MYO5A: variants seen among roughly 807,000 people sequenced by gnomAD.
MYO5A encodes unconventional myosin-Va.
In MYO5A, 98 loss-of-function variants were observed where a neutral mutation model predicts 249.7. That is an observed-to-expected ratio of 0.39 (90% CI 0.33 to 0.46). MYO5A has a LOEUF of 0.46. MYO5A is among the 20% of genes least tolerant of loss of function. The probability of loss-of-function intolerance (pLI) is 0.98; values close to 1 mark genes in which losing one functional copy is unlikely to be tolerated. For missense variants in MYO5A, 1,696 were observed against 2,308.8 expected (o/e 0.73, Z 5.44); for synonymous variants, 778 against 810.6 (o/e 0.96, Z 0.68).
chr15:52,436,742 TA>T (rs1205201368), intron 1 of MYO5A, among the ~76,000 whole-genome samples: 1 of 152,214 alleles, frequency 6.6e-6, no homozygotes, highest in Non-Finnish European at 1.5e-5. Context: ...AAGATCAGAA[TA>T]AAAGGCATCT....
intron 1 of MYO5A, among the ~76,000 whole-genome samples, chr15:52,477,012 C>T (rs981386166): frequency 1.3e-5 from 2 of 152,178 alleles, no homozygotes; most frequent in South Asian, 2.1e-4. Flanking sequence ...CCATTTTCCC[C>T]GTCACTTTCA....
rs767407902 is a variant in MYO5A, at chr15:52,397,414, T to A, written c.1106A>T (p.Glu369Val). The A allele has an allele frequency of 3.7e-6, 6 of 1,613,946 alleles. No homozygotes were observed. In the East Asian group the frequency reaches 1.1e-4, roughly 30 times the overall value. Residue 369 changes from glutamate to valine, a missense_variant, in exon 10 of 42, where the codon GAG becomes GTG. Physicochemically the swap from Glu to Val is moderately radical, Grantham distance 121 (BLOSUM62 -2). Transcript: ENST00000399233. The part of the protein sequence containing the change: ...IFCELMGVDY[E>V]EMCHWLCHRK... The stretch of plus-strand genomic sequence containing the variant: ...ATGGCAGAGCCAGTGACACATCTCC[T>A]CATAGTCCACACCCATGAGTTCACA...
At chr15:52,453,844 A>G (rs2076067916) in intron 1 of MYO5A, among the ~76,000 whole-genome samples, 1 of 152,166 alleles carries the variant, frequency 6.6e-6, no homozygotes, top group Admixed American at 6.5e-5. Flanking sequence ...CATGGTAACT[A>G]CAAAGTAAAA....
In MYO5A at chr15:52,470,536, G is replaced by T. The variant is rs530808016; in HGVS notation, c.28-37251C>A. On this transcript the variant is annotated intron_variant, in intron 1 of 41. Transcript: ENST00000399233. ...GTGGTGGCGCATCTCTGTAATCCCAGCTACTCGGGAGGCTGAGGCAGGAGA... is the reference window on the plus strand; with the variant it reads ...GTGGTGGCGCATCTCTGTAATCCCATCTACTCGGGAGGCTGAGGCAGGAGA... Among the ~76,000 whole-genome samples, 3 of 152,266 alleles carry T rather than the reference G, an allele frequency of 2.0e-5. 1 individual carries two copies. In the South Asian group the frequency reaches 6.2e-4, roughly 32 times the overall value.
chr15:52,398,095 AAGCTG>A (rs2042567708), intron 9 of MYO5A, among the ~76,000 whole-genome samples: 1 of 145,826 alleles, frequency 6.9e-6, no homozygotes, highest in Non-Finnish European at 1.5e-5. Context: ...GGAAGGATTG[AAGCTG>A]AATGAGGGAG....
At chr15:52,402,284 G>A (rs1452845879) in intron 9 of MYO5A, among the ~76,000 whole-genome samples, 2 of 152,194 alleles carry the variant, frequency 1.3e-5, no homozygotes, top group African/African-American at 4.8e-5. Flanking sequence ...CTAGTTTTCT[G>A]CCTCTACTTG....
intron 1 of MYO5A, among the ~76,000 whole-genome samples, chr15:52,522,852 A>G (rs2077651301): frequency 6.6e-6 from 1 of 152,082 alleles, no homozygotes; most frequent in Non-Finnish European, 1.5e-5. Flanking sequence ...AAAAAAAAAA[A>G]AAAAAAGCTA....
chr15:52,519,715 T>C (rs117282868), intron 1 of MYO5A, among the ~76,000 whole-genome samples: 76 of 152,014 alleles, frequency 5.0e-4, no homozygotes, highest in Admixed American at 3.2e-3. Context: ...TTAGTAACAT[T>C]TGCTTGCACA....
chr15:52,353,382 C>T (rs2040049962), intron 27 of MYO5A, among the ~76,000 whole-genome samples: 1 of 152,222 alleles, frequency 6.6e-6, no homozygotes, highest in African/African-American at 2.4e-5. Flanking sequence ...CAGCCTCGAA[C>T]AGCAGCTACT....
In MYO5A at chr15:52,446,823, C is replaced by G. The variant is rs574333357; in HGVS notation, c.28-13538G>C. Among the ~76,000 whole-genome samples the G allele has an allele frequency of 2.0e-5, 3 of 152,236 alleles. No individual in the cohort carries two copies. The South Asian group carries it at 6.2e-4, about 32-fold the overall frequency. Reference sequence around the variant, plus strand: ...TGGATCTTTAAGATTTAATGATTGCCCTGCTAGGTTTCAAACTTGTCTGTA... The same window carrying G: ...TGGATCTTTAAGATTTAATGATTGCGCTGCTAGGTTTCAAACTTGTCTGTA... On this transcript the variant is annotated intron_variant, in intron 1 of 41. Coordinates refer to ENST00000399233, the MANE Select transcript of MYO5A (RefSeq NM_001382347.1).
At chr15:52,523,367 G>C (rs2077662877) in intron 1 of MYO5A, among the ~76,000 whole-genome samples, 1 of 152,126 alleles carries the variant, frequency 6.6e-6, no homozygotes, top group South Asian at 2.1e-4. Context: ...TTTATACCCT[G>C]CTTCGTCCCT....
chr15:52,387,480 G>A (rs2042016371), intron 14 of MYO5A, among the ~76,000 whole-genome samples: 1 of 152,094 alleles, frequency 6.6e-6, no homozygotes, highest in Non-Finnish European at 1.5e-5. Flanking sequence ...GAACCACTGT[G>A]GAGGCAATAA....
chr15:52,427,036 A>T (rs1434745158), intron 3 of MYO5A, among the ~76,000 whole-genome samples: 5 of 152,184 alleles, frequency 3.3e-5, no homozygotes, highest in Non-Finnish European at 7.3e-5. Context: ...CTATATATAG[A>T]CTGATTCCAA....
chr15:52,367,059 G>A lies in MYO5A; in HGVS notation c.3132C>T (p.Arg1044=), dbSNP rs527386816. 4 of 1,613,860 alleles carry A rather than the reference G, an allele frequency of 2.5e-6. No individual in the cohort carries two copies. The highest frequency in any genetic ancestry group is 1.3e-5 in the African/African-American group (1 of 75,040). Residue 1044 remains arginine, a synonymous_variant, in exon 23 of 42, where the codon CGC becomes CGT. Transcript: ENST00000399233. ...TCATCTCCTTAGCCTGCTGCACGATGCGGTGATTGAGGGCTTCTTTTTCTT... is the reference window on the plus strand; with the variant it reads ...TCATCTCCTTAGCCTGCTGCACGATACGGTGATTGAGGGCTTCTTTTTCTT... ...LKQEKEALNH[R]IVQQAKEMTE... is the part of the protein sequence containing the mutation.
intron 1 of MYO5A, among the ~76,000 whole-genome samples, chr15:52,457,328 G>A (rs1175251967): frequency 1.3e-5 from 2 of 151,516 alleles, no homozygotes; most frequent in Non-Finnish European, 2.9e-5. Context: ...CTACTTGGGG[G>A]CTGAGGTGGG....
chr15:52,437,283 G>T (rs1240790153), intron 1 of MYO5A, among the ~76,000 whole-genome samples: 1 of 152,118 alleles, frequency 6.6e-6, no homozygotes, highest in Non-Finnish European at 1.5e-5. Flanking sequence ...TTCCAGAAAA[G>T]ATATATAAAT....
intron 1 of MYO5A, among the ~76,000 whole-genome samples, chr15:52,456,517 G>A (rs952835297): frequency 6.6e-6 from 1 of 151,086 alleles, no homozygotes; most frequent in South Asian, 2.1e-4. Context: ...TAGCAATCCT[G>A]AGCAAAAAAA....
At chr15:52,413,286 G>A (rs911457666) in intron 5 of MYO5A, among the ~76,000 whole-genome samples, 3 of 151,776 alleles carry the variant, frequency 2.0e-5, no homozygotes, top group South Asian at 2.1e-4. Context: ...GGGACAGGCC[G>A]AGACAGAGCA....
intron 1 of MYO5A, among the ~76,000 whole-genome samples, chr15:52,453,536 A>G (rs56332522): frequency 0.15 from 22,431 of 152,224 alleles, 1,779 homozygotes; most frequent in Middle Eastern, 0.22. Flanking sequence ...GGTACACAAA[A>G]AAACCTCAGA....
Sources: gnomAD v4.1 joint callset for allele counts (sites outside exome capture counted in the v4.1 genomes callset) on GRCh38, gnomAD v4.1.1 for gene constraint, MANE v1.5 for transcripts, NCBI Gene and HGNC (gene_info 2026-07-23, HGNC 2026-07-21) for gene names.